The following CFAP299 variants were observed in gnomAD, a reference collection of about 807,000 sequenced individuals.
CFAP299 encodes cilia- and flagella-associated protein 299.
In CFAP299, 21 loss-of-function variants were observed where a neutral mutation model predicts 27.0. That is an observed-to-expected ratio of 0.78 (90% CI 0.55 to 1.12). The LOEUF (loss-of-function observed/expected upper bound fraction) is 1.12, where lower values mean the gene tolerates loss of function less well. CFAP299 is among the 50% of genes most tolerant of loss of function. The pLI is 0.00. For missense variants in CFAP299, 310 were observed against 276.6 expected, an observed-to-expected ratio of 1.12 and a Z score of -0.86; for synonymous variants, 104 against 98.1, an observed-to-expected ratio of 1.06 and a Z score of -0.36.
At chr4:80,517,219 A>G (rs964503844) in intron 2 of CFAP299, among the ~76,000 whole-genome samples, 1 of 152,178 alleles carries the variant, frequency 6.6e-6, no homozygotes, top group Non-Finnish European at 1.5e-5. Flanking sequence ...ATTGTGGGGT[A>G]GGAAGGAAAG....
At position 80,347,908 on chromosome 4, in the gene CFAP299, A is replaced by G. The variant is rs550770180; in HGVS notation, c.111+12029A>G. On this transcript the variant is annotated intron_variant, in intron 1 of 5. Transcript: ENST00000358105. ...AGGCTACAGTAACCAAAACAGCATG[A>G]TAATGATACAAAACCAGACACACAG... Among the ~76,000 whole-genome samples the G allele has an allele frequency of 6.6e-5, 10 of 152,232 alleles. No individual in the cohort carries two copies. The South Asian group carries it at 2.1e-3, about 32-fold the overall frequency.
intron 4 of CFAP299, among the ~76,000 whole-genome samples, chr4:80,937,840 A>G (rs185214028): frequency 1.3e-5 from 2 of 151,624 alleles, no homozygotes; most frequent in Non-Finnish European, 2.9e-5. Flanking sequence ...GAGATTTGTT[A>G]ATTTTTTGTG....
chr4:80,792,427 C>A (rs1410170245), intron 3 of CFAP299, among the ~76,000 whole-genome samples: 2 of 152,026 alleles, frequency 1.3e-5, no homozygotes, highest in Non-Finnish European at 2.9e-5. Context: ...ACATCCCTCC[C>A]AGAGATAGTG....
intron 2 of CFAP299, among the ~76,000 whole-genome samples, chr4:80,509,308 G>A (rs1732185804): frequency 6.6e-6 from 1 of 152,126 alleles, no homozygotes; most frequent in African/African-American, 2.4e-5. Context: ...GATTCATGAG[G>A]AAATATTTTA....
intron 2 of CFAP299, among the ~76,000 whole-genome samples, chr4:80,398,287 T>A (rs987605570): frequency 6.6e-6 from 1 of 152,158 alleles, no homozygotes; most frequent in Non-Finnish European, 1.5e-5. Flanking sequence ...GATTCAATGC[T>A]GTCCCCATCA....
chr4:80,502,472 T>G (rs1156411700), intron 2 of CFAP299, among the ~76,000 whole-genome samples: 5 of 152,130 alleles, frequency 3.3e-5, no homozygotes, highest in Non-Finnish European at 7.4e-5. Context: ...TTCTCTTTTC[T>G]AGATAGAAAC....
At chr4:80,400,718 T>G (rs1381213088) in intron 2 of CFAP299, among the ~76,000 whole-genome samples, 1 of 152,110 alleles carries the variant, frequency 6.6e-6, no homozygotes. Context: ...ACCAGTAAAG[T>G]TGGGCGTTGC....
At chr4:80,953,906 T>G (rs1187895572) in intron 5 of CFAP299, among the ~76,000 whole-genome samples, 2 of 152,158 alleles carry the variant, frequency 1.3e-5, no homozygotes, top group Non-Finnish European at 2.9e-5. Context: ...AATTATTGTT[T>G]TAAGCTTTTA....
chr4:80,934,252 C>T (rs1183681638), intron 4 of CFAP299, among the ~76,000 whole-genome samples: 3 of 151,880 alleles, frequency 2.0e-5, no homozygotes, highest in Admixed American at 6.6e-5. Context: ...TCCTTGTATC[C>T]GAGGGATAAA....
chr4:80,324,074 C>G, the CFAP299 span, among the ~76,000 whole-genome samples: 5 of 152,152 alleles, frequency 3.3e-5, no homozygotes, highest in African/African-American at 1.2e-4. Flanking sequence ...TCCTATCAAC[C>G]CGTCATCTAG....
At chr4:80,852,559 C>T (rs1731587443) in intron 3 of CFAP299, among the ~76,000 whole-genome samples, 1 of 152,168 alleles carries the variant, frequency 6.6e-6, no homozygotes. Context: ...GTTTTCCAAA[C>T]AGATAAAAGC....
At chr4:80,794,116 G>T (rs543744017) in intron 3 of CFAP299, among the ~76,000 whole-genome samples, 2 of 152,170 alleles carry the variant, frequency 1.3e-5, no homozygotes, top group African/African-American at 4.8e-5. Context: ...GAAGTAAACT[G>T]ATTTCATCTT....
chr4:80,650,957 C>T (rs1740247245), intron 3 of CFAP299, among the ~76,000 whole-genome samples: 1 of 151,590 alleles, frequency 6.6e-6, no homozygotes, highest in South Asian at 2.1e-4. Context: ...CAAATCACTA[C>T]TAAAGAACTT....
intron 3 of CFAP299, among the ~76,000 whole-genome samples, chr4:80,648,596 T>C (rs1740140690): frequency 6.6e-6 from 1 of 152,174 alleles, no homozygotes; most frequent in Non-Finnish European, 1.5e-5. Flanking sequence ...AATCAATTAC[T>C]ATTTGCAATT....
chr4:80,494,693 C>T (rs1731346681), intron 2 of CFAP299, among the ~76,000 whole-genome samples: 1 of 152,178 alleles, frequency 6.6e-6, no homozygotes, highest in Admixed American at 6.5e-5. Flanking sequence ...GCTCCTCATC[C>T]TCCCCATCTC....
At chr4:80,779,630 T>A (rs1726755529) in intron 3 of CFAP299, among the ~76,000 whole-genome samples, 1 of 151,990 alleles carries the variant, frequency 6.6e-6, no homozygotes, top group African/African-American at 2.4e-5. Context: ...TGCAACAGGC[T>A]GTGGTCTTCT....
chr4:80,509,232 A>G (rs1732179846), intron 2 of CFAP299, among the ~76,000 whole-genome samples: 1 of 152,240 alleles, frequency 6.6e-6, no homozygotes, highest in Non-Finnish European at 1.5e-5. Context: ...TAAACACCTT[A>G]TAAAAATAAT....
At chr4:80,520,022 A>G (rs1732826056) in intron 2 of CFAP299, among the ~76,000 whole-genome samples, 1 of 152,158 alleles carries the variant, frequency 6.6e-6, no homozygotes, top group Non-Finnish European at 1.5e-5. Context: ...GGCTTTCTAC[A>G]TCTTCCTTGC....
intron 2 of CFAP299, among the ~76,000 whole-genome samples, chr4:80,468,223 C>T (rs927628473): frequency 2.1e-5 from 3 of 143,808 alleles, no homozygotes; most frequent in Non-Finnish European, 3.1e-5. Flanking sequence ...GTTATAATTT[C>T]TTTTTTTTTT....
Sources: gnomAD v4.1 joint callset for allele counts (sites outside exome capture counted in the v4.1 genomes callset) on GRCh38, gnomAD v4.1.1 for gene constraint, MANE v1.5 for transcripts, NCBI Gene and HGNC (gene_info 2026-07-23, HGNC 2026-07-21) for gene names.